The following PCDHGA3 variants were observed in gnomAD, a reference collection of about 807,000 sequenced individuals.
The protein encoded by PCDHGA3 is protocadherin gamma subfamily A, 3.
In PCDHGA3, 40 loss-of-function variants were observed where a neutral mutation model predicts 58.5. The ratio of observed to expected loss-of-function variants is 0.68; its 90% CI spans 0.53 to 0.89. PCDHGA3 has a LOEUF of 0.89. Ranked by LOEUF, PCDHGA3 falls within the 40% of genes least tolerant of loss-of-function variation. PCDHGA3 has a pLI of 0.00. For synonymous variants in PCDHGA3, 530 were observed against 525.7 expected (o/e 1.01, Z -0.11); for missense variants, 1,223 against 1,195.9 (o/e 1.02, Z -0.33).
At chr5:141,346,734 A>C (rs796474692) in intron 1 of PCDHGA3, among the ~76,000 whole-genome samples, 1 of 152,328 alleles carries the variant, frequency 6.6e-6, no homozygotes, top group African/African-American at 2.4e-5. Context: ...CAGATCTCTA[A>C]GTTACTATTT....
intron 1 of PCDHGA3, chr5:141,440,642 A>G (rs1351979857): frequency 6.6e-6 from 1 of 152,234 alleles, no homozygotes; most frequent in African/African-American, 2.4e-5. Context: ...AATTCCTTAC[A>G]AAATTATCAC....
chr5:141,484,883 G>GCC (rs1231530221), intron 1 of PCDHGA3: 2 of 352,506 alleles, frequency 5.7e-6, no homozygotes, highest in Admixed American at 9.0e-5. Flanking sequence ...GATAGGGTGG[G>GCC]CTTTTTCCCC....
At chr5:141,357,091 G>C (rs750967343) in intron 1 of PCDHGA3, 1 of 1,613,788 alleles carries the variant, frequency 6.2e-7, no homozygotes, top group Non-Finnish European at 8.5e-7. Context: ...CACCGCACGG[G>C]CCCTGCTGGA....
rs1485167379 is a variant in PCDHGA3, at chr5:141,485,881, C to T, written c.2425-8926C>T. 5.0e-6 allele frequency: 8 copies of T among 1,613,984 alleles called. No homozygotes were observed. Among genetic ancestry groups the T allele is most frequent in the East Asian group, 2.2e-5 (1 of 44,880 alleles). On this transcript the variant is annotated intron_variant, in intron 1 of 3. Transcript: ENST00000253812. The surrounding 1 kb of genome is among the most constrained non-coding windows in gnomAD (Gnocchi z 5.7). ...TCCGGGTATCCGTGCTGGACGTAAACGACAACGCCCCAGCCTTCCAGCAAT... is the reference window on the plus strand; with the variant it reads ...TCCGGGTATCCGTGCTGGACGTAAATGACAACGCCCCAGCCTTCCAGCAAT...
chr5:141,362,412 A>G (rs369877843), intron 1 of PCDHGA3: 98 of 1,613,916 alleles, frequency 6.1e-5, no homozygotes, highest in Non-Finnish European at 8.1e-5. Context: ...TTGCCTCACA[A>G]TCAGCCAAGA....
chr5:141,462,811 T>C (rs893444929), intron 1 of PCDHGA3, among the ~76,000 whole-genome samples: 1 of 152,206 alleles, frequency 6.6e-6, no homozygotes, highest in Non-Finnish European at 1.5e-5. Context: ...ATAATGTTTT[T>C]ATTGGACAGC....
At chr5:141,500,190 TTA>T (rs551092091) in intron 2 of PCDHGA3, among the ~76,000 whole-genome samples, 3 of 110,960 alleles carry the variant, frequency 2.7e-5, no homozygotes, top group Non-Finnish European at 3.9e-5. Context: ...TTATTTTTAT[TTA>T]TTTATTTATT....
chr5:141,511,049 G>A lies in PCDHGA3; in HGVS notation c.2675G>A (p.Arg892His), dbSNP rs61749029. 408 of 1,614,098 alleles carry A rather than the reference G, an allele frequency of 2.5e-4. No individual in the cohort carries two copies. Among genetic ancestry groups the A allele is most frequent in the South Asian group, 7.2e-4 (66 of 91,094 alleles). Residue 892 changes from arginine (R) to histidine (H), a missense_variant, in exon 4 of 4, where the codon CGC becomes CAC. Around this residue, in one of 3 missense-constraint regions of PCDHGA3, gnomAD observed 325 missense variants for 327.5 expected, o/e 0.99. Transcript: ENST00000253812. ...QFTLQHVPDY[R>H]QNVYIPGSNA... ...ACCCTGCAGCACGTGCCCGACTACC[G>A]CCAGAATGTCTACATCCCAGGCAGC...
intron 1 of PCDHGA3, chr5:141,370,309 A>G: frequency 8.1e-7 from 1 of 1,240,254 alleles, no homozygotes; most frequent in South Asian, 1.6e-5. Flanking sequence ...GACAAAGCAA[A>G]TAGTTGGTCC....
chr5:141,420,669 G>A (rs1018355067), intron 1 of PCDHGA3, among the ~76,000 whole-genome samples: 2 of 152,202 alleles, frequency 1.3e-5, no homozygotes, highest in South Asian at 2.1e-4. Context: ...CATCCTACCT[G>A]ATGATTTTAT....
In PCDHGA3 at chr5:141,385,085, A is replaced by G. The variant is rs753751562; in HGVS notation, c.2424+38628A>G. The G allele has an allele frequency of 1.1e-5, 18 of 1,614,014 alleles. No homozygotes were observed. In the Admixed American group the frequency reaches 3.0e-4, roughly 27 times the overall value. On this transcript the variant is annotated intron_variant, in intron 1 of 3. Transcript: ENST00000253812. ...AAGTCACGCCTGCTGCAGGCTTCAGAAGGTGGCTTGGCGAACGTGCCCACC... is the reference window on the plus strand; with the variant it reads ...AAGTCACGCCTGCTGCAGGCTTCAGGAGGTGGCTTGGCGAACGTGCCCACC...
Position 141,477,486 on chromosome 5 carries a change from C to A in PCDHGA3, c.2425-17321C>A. On this transcript the variant is annotated intron_variant, in intron 1 of 3. Coordinates refer to ENST00000253812, the MANE Select transcript of PCDHGA3 (RefSeq NM_018916.4). This position sits in a 1 kb window ranked among gnomAD's most constrained non-coding sequence, Gnocchi z 4.9. ...GACATCAATGACAACCCTCCACAAT[C>A]TTCTCAATCTTCCTACGACGTTTAC... is the stretch of plus-strand genomic sequence containing the variant. The A allele has an allele frequency of 6.2e-7, 1 of 1,614,170 alleles. No homozygotes were observed. The highest frequency in any genetic ancestry group is 8.5e-7 in the Non-Finnish European group (1 of 1,180,040).
In PCDHGA3 at chr5:141,405,117, C is replaced by T. The variant is rs200108286; in HGVS notation, c.2424+58660C>T. On this transcript the variant is annotated intron_variant, in intron 1 of 3. Transcript: ENST00000253812. The stretch of plus-strand genomic sequence containing the variant: ...CTCAGGCTGAGGCACTGGCACTCCT[C>T]GCATCTGCTGCGGGCTACCAGTGAT... The T allele has an allele frequency of 5.6e-5, 90 of 1,613,980 alleles. No individual in the cohort carries two copies. In the East Asian group the frequency reaches 9.6e-4, roughly 17 times the overall value.
intron 1 of PCDHGA3, chr5:141,365,694 C>A (rs757316678): frequency 5.0e-6 from 8 of 1,613,466 alleles, no homozygotes; most frequent in South Asian, 1.1e-5. Flanking sequence ...TTCCCTCAAG[C>A]CTCCTACTCC....
chr5:141,350,455 G>T (rs1039998570), intron 1 of PCDHGA3: 2 of 1,613,218 alleles, frequency 1.2e-6, no homozygotes, highest in Non-Finnish European at 1.7e-6. Context: ...GAAAACTGCG[G>T]GTTAGTGCAG....
chr5:141,422,158 G>GA (rs1401712595), intron 1 of PCDHGA3: 2 of 1,571,916 alleles, frequency 1.3e-6, no homozygotes, highest in Middle Eastern at 1.7e-4. Flanking sequence ...TCTGGATTTT[G>GA]AAAAATATAG....
At chr5:141,499,323 GCTCT>G (rs1259902316) in intron 2 of PCDHGA3, among the ~76,000 whole-genome samples, 1 of 152,046 alleles carries the variant, frequency 6.6e-6, no homozygotes, top group East Asian at 1.9e-4. Context: ...CAGTATCCCT[GCTCT>G]CTCTCAGTTT....
At chr5:141,494,780 G>A (rs1314622459) in intron 1 of PCDHGA3, 27 bp from the exon 2 acceptor site, 13 of 1,613,898 alleles carry the variant, frequency 8.1e-6, no homozygotes, top group African/African-American at 1.3e-5. Context: ...CGGGTACTCA[G>A]CCCCTTTCCC....
At chr5:141,415,302 G>A in intron 1 of PCDHGA3, 3 of 1,614,212 alleles carry the variant, frequency 1.9e-6, no homozygotes, top group South Asian at 2.2e-5. Context: ...GCGTCTTCCT[G>A]GCCTTCGTCA....
Sources: allele counts gnomAD v4.1 joint callset (sites outside exome capture counted in the v4.1 genomes callset), GRCh38; gene constraint gnomAD v4.1.1; regional missense constraint gnomAD v4.1.1; non-coding constraint Gnocchi (gnomAD v3.1); transcripts MANE v1.5; gene names NCBI Gene and HGNC (gene_info 2026-07-23, HGNC 2026-07-21).